The following CTNNA3 variants were observed in gnomAD, a reference collection of about 807,000 sequenced individuals.
The protein encoded by CTNNA3 is catenin alpha 3.
Under a neutral mutation model 95.7 loss-of-function variants are expected in CTNNA3, and 76 were observed. The ratio of observed to expected loss-of-function variants is 0.79; its 90% CI spans 0.66 to 0.96. CTNNA3 has a LOEUF of 0.96. Among genes scored for constraint, CTNNA3 ranks in the 40% least tolerant of loss-of-function variants. The pLI, the probability that CTNNA3 is intolerant of heterozygous loss-of-function variation, is 0.00. For missense variants in CTNNA3, 1,191 were observed against 1,089.8 expected, an observed-to-expected ratio of 1.09 and a Z score of -1.31; for synonymous variants, 431 against 374.4, an observed-to-expected ratio of 1.15 and a Z score of -1.74.
chr10:66,221,190 A>G (rs978506672), intron 13 of CTNNA3, among the ~76,000 whole-genome samples: 1 of 152,212 alleles, frequency 6.6e-6, no homozygotes, highest in Non-Finnish European at 1.5e-5. Flanking sequence ...TGATGACATT[A>G]AATAATTACA....
At chr10:66,707,910 A>G (rs1848169505) in intron 9 of CTNNA3, among the ~76,000 whole-genome samples, 1 of 152,154 alleles carries the variant, frequency 6.6e-6, no homozygotes, top group African/African-American at 2.4e-5. Flanking sequence ...TTCAAAATGT[A>G]TTATAGATTT....
chr10:67,443,644 T>A (rs2132940460), intron 5 of CTNNA3, among the ~76,000 whole-genome samples: 1 of 152,270 alleles, frequency 6.6e-6, no homozygotes, highest in Non-Finnish European at 1.5e-5. Context: ...GATGGAGTTG[T>A]TTGTTTTTTT....
intron 5 of CTNNA3, among the ~76,000 whole-genome samples, chr10:67,293,720 T>C (rs990342503): frequency 7.4e-5 from 10 of 135,000 alleles, no homozygotes; most frequent in African/African-American, 2.5e-4. Flanking sequence ...CCTGTGTCCA[T>C]GTGTTCTCAT....
chr10:65,943,524 C>T (rs1312713774), intron 17 of CTNNA3, among the ~76,000 whole-genome samples: 10 of 152,144 alleles, frequency 6.6e-5, no homozygotes, highest in Non-Finnish European at 1.5e-5. Flanking sequence ...AACCTATTCG[C>T]TGCATGCAAC....
At chr10:66,079,678 A>G (rs1423688727) in intron 14 of CTNNA3, among the ~76,000 whole-genome samples, 1 of 151,644 alleles carries the variant, frequency 6.6e-6, no homozygotes, top group Non-Finnish European at 1.5e-5. Context: ...TTGCTTGTCC[A>G]TAAATTATGC....
At chr10:67,201,667 T>C (rs929148074) in intron 6 of CTNNA3, among the ~76,000 whole-genome samples, 19 of 152,290 alleles carry the variant, frequency 1.2e-4, no homozygotes, top group African/African-American at 4.3e-4. Flanking sequence ...TAGATGTCAA[T>C]AATCAACCTA....
At chr10:67,662,384 G>A (rs1482892606) in intron 1 of CTNNA3, among the ~76,000 whole-genome samples, 1 of 152,046 alleles carries the variant, frequency 6.6e-6, no homozygotes, top group Non-Finnish European at 1.5e-5. Context: ...TTGAACCATG[G>A]GTAGCTGAAA....
intron 7 of CTNNA3, among the ~76,000 whole-genome samples, chr10:67,109,271 A>C (rs1858801101): frequency 6.6e-6 from 1 of 152,158 alleles, no homozygotes; most frequent in South Asian, 2.1e-4. Flanking sequence ...GGAAAAAATT[A>C]CTAAGGTGGT....
At chr10:66,056,379 T>C (rs1179726242) in intron 15 of CTNNA3, among the ~76,000 whole-genome samples, 1 of 152,182 alleles carries the variant, frequency 6.6e-6, no homozygotes, top group Non-Finnish European at 1.5e-5. Context: ...CTGGAATGAA[T>C]CCCTCTCAAT....
intron 5 of CTNNA3, among the ~76,000 whole-genome samples, chr10:67,482,265 G>C (rs1251890711): frequency 6.6e-6 from 1 of 151,846 alleles, no homozygotes; most frequent in Admixed American, 6.6e-5. Context: ...CTTTAAAGTA[G>C]TTTTTTCCAA....
intron 17 of CTNNA3, among the ~76,000 whole-genome samples, chr10:65,933,156 T>C (rs2077281486): frequency 6.6e-6 from 1 of 152,096 alleles, no homozygotes; most frequent in African/African-American, 2.4e-5. Context: ...ATAATGATAA[T>C]AGCACAATGG....
intron 13 of CTNNA3, among the ~76,000 whole-genome samples, chr10:66,200,264 G>GA (rs1431216408): frequency 2.0e-5 from 3 of 151,452 alleles, no homozygotes; most frequent in African/African-American, 7.3e-5. Flanking sequence ...AGAGGGAAGG[G>GA]AAGGCTTAAG....
intron 5 of CTNNA3, among the ~76,000 whole-genome samples, chr10:67,448,638 A>G (rs1420197037): frequency 6.6e-6 from 1 of 151,498 alleles, no homozygotes; most frequent in African/African-American, 2.4e-5. Context: ...TAATTTGAGC[A>G]CCTGTTGTAC....
chr10:66,547,505 G>C (rs558804840), intron 10 of CTNNA3, among the ~76,000 whole-genome samples: 1 of 151,374 alleles, frequency 6.6e-6, no homozygotes, highest in African/African-American at 2.4e-5. Context: ...ACCACGCCCA[G>C]TTAATTTTTT....
chr10:66,365,403 G>A (rs1379228261), intron 12 of CTNNA3, among the ~76,000 whole-genome samples: 1 of 152,102 alleles, frequency 6.6e-6, no homozygotes, highest in Admixed American at 6.5e-5. Context: ...GGGGACTAGG[G>A]GAGGGATAAC....
At chr10:66,828,903 C>A (rs1162800199) in intron 7 of CTNNA3, among the ~76,000 whole-genome samples, 1 of 152,204 alleles carries the variant, frequency 6.6e-6, no homozygotes, top group Non-Finnish European at 1.5e-5. Context: ...CATACTATGA[C>A]TGCACAGCTG....
intron 7 of CTNNA3, among the ~76,000 whole-genome samples, chr10:66,998,271 T>C (rs1776229884): frequency 6.6e-6 from 1 of 152,144 alleles, no homozygotes. Context: ...CCTTACTCTA[T>C]GTTTACTTAG....
At chr10:67,177,854 G>T (rs1424018373) in intron 7 of CTNNA3, among the ~76,000 whole-genome samples, 3 of 152,092 alleles carry the variant, frequency 2.0e-5, no homozygotes, top group African/African-American at 4.8e-5. Context: ...AGTCCAATTT[G>T]CTCAGTTTAA....
At chr10:66,209,602 CA>C (rs1220793527) in intron 13 of CTNNA3, among the ~76,000 whole-genome samples, 1 of 151,714 alleles carries the variant, frequency 6.6e-6, no homozygotes, top group Non-Finnish European at 1.5e-5. Context: ...ATGGAATAAA[CA>C]AAATAGAGTA....
Sources: gnomAD v4.1 joint callset for allele counts (sites outside exome capture counted in the v4.1 genomes callset) on GRCh38, gnomAD v4.1.1 for gene constraint, MANE v1.5 for transcripts, NCBI Gene and HGNC (gene_info 2026-07-23, HGNC 2026-07-21) for gene names.